The following GHRL variants were observed in gnomAD, a reference collection of about 807,000 sequenced individuals.
The protein encoded by GHRL is appetite-regulating hormone.
A neutral mutation model predicts 16.9 loss-of-function variants in GHRL; 24 were observed. The ratio of observed to expected loss-of-function variants is 1.42; its 90% CI spans 1.03 to 2.00. The LOEUF is 2.00. GHRL is among the 30% of genes most tolerant of loss of function. GHRL has a pLI of 0.00. For synonymous variants in GHRL, 63 were observed against 58.2 expected, an observed-to-expected ratio of 1.08 and a Z score of -0.37; for missense variants, 193 against 142.1, an observed-to-expected ratio of 1.36 and a Z score of -1.82.
chr3:10,286,823 G>A lies in GHRL; in HGVS notation c.226-11C>T. ...AAAGGGGGCGTTGAACTAGGAGGCA[G>A]GGCAGGGAGGACCCAGGAGATGTCA... On this transcript the variant is annotated splice_polypyrimidine_tract_variant and intron_variant, in intron 4 of 5. Transcript: ENST00000335542. 1 of 1,520,622 alleles carries A rather than the reference G, an allele frequency of 6.6e-7. No homozygotes were observed. The allele number at this position is 1,520,622 out of a possible 1,614,324, so 94.2% of individuals were successfully genotyped here. A position where few individuals can be genotyped will look rare whatever the true frequency, so the allele number is the denominator to read the frequency against.
At chr3:10,289,731 C>T (rs1576067848) in intron 4 of GHRL, 31 bp downstream of exon 4, 1 of 1,376,688 alleles carries the variant, frequency 7.3e-7, no homozygotes, top group Non-Finnish European at 1.0e-6. Context: ...TCCTCGCTGC[C>T]ACAGAAGCAT....
chr3:10,290,859 T>G lies in GHRL; in HGVS notation c.-173A>C. Reference sequence around the variant, plus strand: ...GTACATTCCTTGGGAACTAAAAATGTTCTTGTCCTCTGGGTAGAAGTCAAC... The same window carrying G: ...GTACATTCCTTGGGAACTAAAAATGGTCTTGTCCTCTGGGTAGAAGTCAAC... On this transcript the variant is annotated 5_prime_UTR_variant, in exon 2 of 6. Transcript: ENST00000335542. 1.0e-6 allele frequency: 1 copy of G among 985,864 alleles called. No homozygotes were observed. The highest frequency in any genetic ancestry group is 1.2e-6 in the Non-Finnish European group (1 of 830,236). The allele number at this position is 985,864 out of a possible 1,614,324, so 61.1% of individuals were successfully genotyped here. A position where few individuals can be genotyped will look rare whatever the true frequency, so the allele number is the denominator to read the frequency against.
chr3:10,291,680 C>A (rs3755777), intron 1 of GHRL, among the ~76,000 whole-genome samples: 1 of 152,106 alleles, frequency 6.6e-6, no homozygotes, highest in Non-Finnish European at 1.5e-5. Context: ...TTCCCTCGGC[C>A]CCAGGAATTT....
Position 10,291,351 on chromosome 3 carries a change from T to C in GHRL, c.-665A>G. 1 of 985,548 alleles carries C rather than the reference T, an allele frequency of 1.0e-6. No individual in the cohort carries two copies. The highest frequency in any genetic ancestry group is 1.2e-6 in the Non-Finnish European group (1 of 829,994). The allele number at this position is 985,548 out of a possible 1,614,324, so 61.1% of individuals were successfully genotyped here. A position where few individuals can be genotyped will look rare whatever the true frequency, so the allele number is the denominator to read the frequency against. On this transcript the variant is annotated 5_prime_UTR_variant, in exon 2 of 6. Coordinates refer to ENST00000335542, the MANE Select transcript of GHRL (RefSeq NM_016362.5). ...TTCTGCCAGGTGTGACATGACTGCC[T>C]GGCCTGGCGTTTTTTCACATAGCAG... is the stretch of plus-strand genomic sequence containing the variant.
intron 1 of GHRL, chr3:10,292,495 G>T: frequency 3.7e-6 from 1 of 269,930 alleles, no homozygotes; most frequent in Non-Finnish European, 7.0e-6. Context: ...AGCACAGGCC[G>T]GGTTGGACTG....
rs1481178785 is a variant in GHRL, at chr3:10,288,156, C to T, written c.226-1344G>A. The T allele has an allele frequency of 2.0e-5, 3 of 152,276 alleles. No homozygotes were observed. The East Asian group carries it at 5.8e-4, about 29-fold the overall frequency. The allele number at this position is 152,276 out of a possible 1,614,324, so 9.4% of individuals were successfully genotyped here. A position where few individuals can be genotyped will look rare whatever the true frequency, so the allele number is the denominator to read the frequency against. ...GGTGGGGGGCAGCTTCCCTCCTGGC[C>T]TCAGTGGCCCATCTGTTCAATGGGA... On this transcript the variant is annotated intron_variant, in intron 4 of 5. Coordinates refer to ENST00000335542, the MANE Select transcript of GHRL (RefSeq NM_016362.5).
chr3:10,291,392 T>G lies in GHRL; in HGVS notation c.-706A>C, dbSNP rs1236636873. On this transcript the variant is annotated 5_prime_UTR_variant, in exon 2 of 6. Transcript: ENST00000335542. ...CACATAGCAGCTTGCCTTGCCTCCC[T>G]CCAGCAGCTTTGGTCCCTATTTTAG... 3 of 985,514 alleles carry G rather than the reference T, an allele frequency of 3.0e-6. No homozygotes were observed. In the East Asian group the frequency reaches 3.4e-4, roughly 112 times the overall value. The allele number at this position is 985,514 out of a possible 1,614,324, so 61.0% of individuals were successfully genotyped here.
chr3:10,292,292 A>C (rs1047514107), intron 1 of GHRL: 1 of 153,226 alleles, frequency 6.5e-6, no homozygotes, highest in African/African-American at 2.4e-5. Flanking sequence ...CTGATATGCC[A>C]TCTGGCTCCA....
chr3:10,292,887 TAGATA>T lies in GHRL; in HGVS notation c.-816_-812del. 3.9e-6 allele frequency: 6 copies of T among 1,549,300 alleles called. No individual in the cohort carries two copies. Among genetic ancestry groups the T allele is most frequent in the Non-Finnish European group, 5.2e-6 (6 of 1,145,596 alleles). ...CGGGCACAGCTGCCAATGTTGATCTTAGATAAGACCACCAGCAAGTAAACATCCAC... is the reference window on the plus strand; with the variant it reads ...CGGGCACAGCTGCCAATGTTGATCTTAGACCACCAGCAAGTAAACATCCAC... On this transcript the variant is annotated 5_prime_UTR_variant, in exon 1 of 6. An upstream open reading frame in the 5' UTR gains an earlier in-frame stop. Coordinates refer to ENST00000335542, the MANE Select transcript of GHRL (RefSeq NM_016362.5).
chr3:10,290,735 T>C lies in GHRL; in HGVS notation c.-49A>G. Reference sequence around the variant, plus strand: ...GCTTACCTGCAGTTCCTGGCGGAGGTGGTGCCTGGTGGCTGTCAGGTCCTT... The same window carrying C: ...GCTTACCTGCAGTTCCTGGCGGAGGCGGTGCCTGGTGGCTGTCAGGTCCTT... On this transcript the variant is annotated 5_prime_UTR_variant, in exon 2 of 6. Transcript: ENST00000335542. 1 of 998,406 alleles carries C rather than the reference T, an allele frequency of 1.0e-6. No homozygotes were observed. Among genetic ancestry groups the C allele is most frequent in the Non-Finnish European group, 1.2e-6 (1 of 838,178 alleles). 61.8% of individuals were successfully genotyped at this position (998,406 alleles called of 1,614,324 possible).
intron 1 of GHRL, among the ~76,000 whole-genome samples, chr3:10,291,822 G>A (rs1700060991): frequency 6.6e-6 from 1 of 152,124 alleles, no homozygotes; most frequent in Non-Finnish European, 1.5e-5. Flanking sequence ...CGGCAGGGAT[G>A]TTAGCAAAGG....
Position 10,290,744 on chromosome 3 carries a change from G to A in GHRL, c.-58C>T, listed in dbSNP as rs1261387917. 6 of 997,338 alleles carry A rather than the reference G, an allele frequency of 6.0e-6. No homozygotes were observed. Among genetic ancestry groups the A allele is most frequent in the Admixed American group, 5.9e-5 (1 of 16,936 alleles). The allele number at this position is 997,338 out of a possible 1,614,324, so 61.8% of individuals were successfully genotyped here. On this transcript the variant is annotated 5_prime_UTR_variant, in exon 2 of 6. Coordinates refer to ENST00000335542, the MANE Select transcript of GHRL (RefSeq NM_016362.5). ...CAGTTCCTGGCGGAGGTGGTGCCTGGTGGCTGTCAGGTCCTTATATAGGAT... is the reference window on the plus strand; with the variant it reads ...CAGTTCCTGGCGGAGGTGGTGCCTGATGGCTGTCAGGTCCTTATATAGGAT...
At chr3:10,290,041 A>G in intron 3 of GHRL, 32 bp downstream of exon 3, 3 of 1,608,946 alleles carry the variant, frequency 1.9e-6, no homozygotes, top group Non-Finnish European at 2.5e-6. Context: ...CAGGGCTGGA[A>G]CAACATGTGG....
intron 5 of GHRL, 137 bp from the exon 6 acceptor site, chr3:10,286,031 A>C: frequency 1.3e-6 from 1 of 762,616 alleles, no homozygotes; most frequent in Non-Finnish European, 2.3e-6. Flanking sequence ...AGAGGGCGGC[A>C]CTCAAGTGTG....
intron 4 of GHRL, 42 bp downstream of exon 4, chr3:10,289,720 C>T (rs1197697678): frequency 1.6e-6 from 2 of 1,256,250 alleles, no homozygotes; most frequent in South Asian, 1.2e-5. Context: ...TGACCCCACC[C>T]TCCTCGCTGC....
intron 1 of GHRL, chr3:10,292,000 G>T (rs1700084582): frequency 6.6e-6 from 1 of 152,294 alleles, no homozygotes; most frequent in African/African-American, 2.4e-5. Context: ...ACATAAGAAG[G>T]TGGTTTGGGG....
rs183593317 is a variant in GHRL, at chr3:10,290,216, G to C, written c.-29-7C>G. On this transcript the variant is annotated splice_polypyrimidine_tract_variant and splice_region_variant and intron_variant, in intron 2 of 5. Coordinates refer to ENST00000335542, the MANE Select transcript of GHRL (RefSeq NM_016362.5). ...GGGTTGCAGACAGGTGGGCCTGGGG[G>C]AGAGAGGGTCTCCAGGCAGCTGCCT... 7.6e-6 allele frequency: 12 copies of C among 1,589,144 alleles called. No individual in the cohort carries two copies. In the South Asian group the frequency reaches 1.3e-4, roughly 17 times the overall value.
chr3:10,289,346 C>T (rs184554515), intron 4 of GHRL, among the ~76,000 whole-genome samples: 36 of 152,272 alleles, frequency 2.4e-4, no homozygotes, highest in Admixed American at 9.8e-4. Flanking sequence ...GGGTGCTGTT[C>T]GGAAGCACTC....
chr3:10,290,079 T>A lies in GHRL; in HGVS notation c.102A>T (p.Arg34Ser). Residue 34 changes from arginine (R) to serine (S), a missense_variant, in exon 3 of 6, where the codon AGA (arginine) becomes AGT (serine). Transcript: ENST00000335542. ...CTTTGTGGGGAGGTCTCACCTGGAC[T>A]CTCTGGTGTTCAGGGCTCAGGAAGC... The part of the protein sequence containing the change: ...GSSFLSPEHQ[R>S]VQQRKESKKP... 6.2e-7 allele frequency: 1 copy of A among 1,611,844 alleles called. No individual in the cohort carries two copies. The highest frequency in any genetic ancestry group is 8.5e-7 in the Non-Finnish European group (1 of 1,179,248).
Sources: allele counts gnomAD v4.1 joint callset (sites outside exome capture counted in the v4.1 genomes callset), GRCh38; gene constraint gnomAD v4.1.1; transcripts MANE v1.5; gene names NCBI Gene and HGNC (gene_info 2026-07-23, HGNC 2026-07-21).